The following GPHN variants were observed in gnomAD, a reference collection of about 807,000 sequenced individuals.
GPHN encodes the protein gephyrin.
GPHN carries 17 observed loss-of-function variants against 95.5 expected under a neutral mutation model. The observed-to-expected ratio is 0.18, with a 90% CI of 0.12 to 0.27. GPHN has a LOEUF of 0.27. Among genes scored for constraint, GPHN ranks in the 10% least tolerant of loss-of-function variants. The pLI, the probability that GPHN is intolerant of heterozygous loss-of-function variation, is 1.00. For missense variants in GPHN, 660 were observed against 978.1 expected, an observed-to-expected ratio of 0.67 and a Z score of 4.34; for synonymous variants, 320 against 322.5, an observed-to-expected ratio of 0.99 and a Z score of 0.08.
At chr14:66,707,711 G>A (rs543842613) in intron 2 of GPHN, among the ~76,000 whole-genome samples, 1 of 152,186 alleles carries the variant, frequency 6.6e-6, no homozygotes, top group African/African-American at 2.4e-5. Flanking sequence ...GTCAATAGGT[G>A]CAGTAAATCA....
chr14:67,502,847 T>C, the GPHN span, among the ~76,000 whole-genome samples: 1 of 152,162 alleles, frequency 6.6e-6, no homozygotes, highest in African/African-American at 2.4e-5. Flanking sequence ...TTAAATACTT[T>C]CTGTGTGTAA....
the GPHN span, among the ~76,000 whole-genome samples, chr14:67,664,689 G>A: frequency 1.3e-5 from 2 of 152,032 alleles, no homozygotes; most frequent in African/African-American, 2.4e-5. Context: ...AATAAAGACA[G>A]GGTTTTGCCA....
At chr14:67,342,056 G>A in the GPHN span, among the ~76,000 whole-genome samples, 1 of 152,012 alleles carries the variant, frequency 6.6e-6, no homozygotes, top group Non-Finnish European at 1.5e-5. Context: ...GCGGAAGTCT[G>A]CAGGGTCCTC....
chr14:66,661,514 G>A (rs1055311971), intron 1 of GPHN, among the ~76,000 whole-genome samples: 13 of 152,178 alleles, frequency 8.5e-5, no homozygotes, highest in Admixed American at 7.9e-4. Context: ...CCTGCGGGGA[G>A]GGGCAGGCTA....
intron 7 of GPHN, 99 bp from the exon 8 acceptor site, chr14:66,924,095 T>C (rs377690236): frequency 2.7e-6 from 2 of 729,482 alleles, no homozygotes; most frequent in East Asian, 5.2e-5. Context: ...ATTTCATTTT[T>C]CCATTTGTTT....
intron 10 of GPHN, among the ~76,000 whole-genome samples, chr14:67,027,728 A>G (rs1280096289): frequency 6.6e-6 from 1 of 152,190 alleles, no homozygotes; most frequent in East Asian, 1.9e-4. Flanking sequence ...AGTATATTTT[A>G]ATGGAATTCA....
At chr14:67,543,258 G>A in the GPHN span, among the ~76,000 whole-genome samples, 1 of 152,156 alleles carries the variant, frequency 6.6e-6, no homozygotes. Flanking sequence ...TTGATAGCTG[G>A]AGTCCAGCAG....
intron 4 of GPHN, among the ~76,000 whole-genome samples, chr14:66,827,733 A>AATT (rs925512577): frequency 6.6e-6 from 1 of 151,998 alleles, no homozygotes; most frequent in African/African-American, 2.4e-5. Flanking sequence ...AATCTTGTTA[A>AATT]ATTATTTCTT....
the GPHN span, among the ~76,000 whole-genome samples, chr14:67,240,883 C>G: frequency 6.6e-5 from 10 of 152,232 alleles, no homozygotes; most frequent in African/African-American, 2.4e-4. Context: ...CTGCACACAT[C>G]CAGGTGTTTA....
intron 19 of GPHN, 48 bp from the exon 20 acceptor site, chr14:67,165,111 TTCA>T (rs755940420): frequency 2.0e-5 from 24 of 1,185,258 alleles, no homozygotes; most frequent in South Asian, 9.7e-5. Flanking sequence ...ACTTAATGTA[TTCA>T]TCATATTGCT....
At chr14:67,367,740 G>A in the GPHN span, among the ~76,000 whole-genome samples, 1 of 152,136 alleles carries the variant, frequency 6.6e-6, no homozygotes, top group Non-Finnish European at 1.5e-5. Flanking sequence ...GGCGGCTGAG[G>A]TAGGGGGATG....
At chr14:67,187,052 T>G in the GPHN span, among the ~76,000 whole-genome samples, 1 of 152,204 alleles carries the variant, frequency 6.6e-6, no homozygotes, top group South Asian at 2.1e-4. Context: ...GGGAGTGGTG[T>G]AAGTGGTCTG....
At chr14:66,642,681 A>G in intron 1 of GPHN, among the ~76,000 whole-genome samples, 1 of 151,656 alleles carries the variant, frequency 6.6e-6, no homozygotes, top group South Asian at 2.1e-4. Flanking sequence ...CTAATTTGTT[A>G]CAGAAGTAAA....
chr14:67,279,219 G>A, the GPHN span: 121 of 1,612,136 alleles, frequency 7.5e-5, no homozygotes, highest in Non-Finnish European at 9.4e-5. Context: ...ATCAGACAGC[G>A]AAGTAAAAAA....
chr14:67,237,970 C>A, the GPHN span, among the ~76,000 whole-genome samples: 1 of 140,706 alleles, frequency 7.1e-6, no homozygotes, highest in African/African-American at 3.0e-5. Flanking sequence ...ACTCTATATG[C>A]AGAGGCTACC....
the GPHN span, among the ~76,000 whole-genome samples, chr14:67,216,669 T>G: frequency 6.6e-6 from 1 of 152,200 alleles, no homozygotes; most frequent in Non-Finnish European, 1.5e-5. Flanking sequence ...CATTGGTCAT[T>G]TAGGAGCATG....
At chr14:66,862,582 A>T (rs2063070541) in intron 4 of GPHN, among the ~76,000 whole-genome samples, 1 of 152,090 alleles carries the variant, frequency 6.6e-6, no homozygotes. Flanking sequence ...ATATTGATAC[A>T]AAAATCCTCA....
chr14:67,102,490 A>G (rs973331516), intron 13 of GPHN, among the ~76,000 whole-genome samples: 43 of 151,756 alleles, frequency 2.8e-4, no homozygotes, highest in African/African-American at 1.0e-3. Context: ...GAGAAAGCCC[A>G]TCTCTACTGA....
the GPHN span, chr14:67,717,676 T>C: frequency 1.3e-5 from 2 of 152,396 alleles, no homozygotes; most frequent in South Asian, 2.1e-4. Context: ...GGGATAGTAG[T>C]GCTCCAGGCA....
Sources: gnomAD v4.1 joint callset for allele counts (sites outside exome capture counted in the v4.1 genomes callset) on GRCh38, gnomAD v4.1.1 for gene constraint, MANE v1.5 for transcripts, NCBI Gene and HGNC (gene_info 2026-07-23, HGNC 2026-07-21) for gene names.